SRCAP: variants seen among roughly 807,000 people sequenced by gnomAD.
The protein encoded by SRCAP is Snf2 related CREBBP activator protein, also known as chromatin remodeling protein SRCAP.
SRCAP carries 46 observed loss-of-function variants against 263.1 expected under a neutral mutation model. That is an observed-to-expected ratio of 0.17 (90% CI 0.14 to 0.22). SRCAP has a LOEUF of 0.22. Among genes scored for constraint, SRCAP ranks in the 10% least tolerant of loss-of-function variants. The pLI is 1.00. For missense variants in SRCAP, 3,695 were observed against 4,181.9 expected (o/e 0.88, Z 3.21); for synonymous variants, 1,813 against 1,662.1 (o/e 1.09, Z -2.21).
In SRCAP at chr16:30,737,612, C is replaced by G. The variant is rs769282513; in HGVS notation, c.7572C>G (p.Ser2524=). The change falls in exon 34 of 34, where the codon TCC becomes TCG. Residue 2524 remains serine (S), a synonymous_variant. Coordinates refer to ENST00000262518, the MANE Select transcript of SRCAP (RefSeq NM_006662.3). ...CCCAAACCTGTCTTGTAACTCCTTCCTCTCCTCTCTTGCTTGGTCCACCTT... is the reference window on the plus strand; with the variant it reads ...CCCAAACCTGTCTTGTAACTCCTTCGTCTCCTCTCTTGCTTGGTCCACCTT... ...PPAQTCLVTP[S]SPLLLGPPSV... The G allele has an allele frequency of 2.5e-6, 4 of 1,614,046 alleles. No homozygotes were observed. Among genetic ancestry groups the G allele is most frequent in the Non-Finnish European group, 2.5e-6 (3 of 1,180,018 alleles).
rs780091907 is a variant in SRCAP at position 30,737,591 on chromosome 16, A to C, written c.7551A>C (p.Gln2517His). The change falls in exon 34 of 34, where the codon CAA becomes CAC. Residue 2517 changes from glutamine to histidine, a missense_variant. Gln to His is a conservative substitution (Grantham distance 24). This residue lies in a region of SRCAP where 1,207 missense variants were observed against 1,142.9 expected (regional missense o/e 1.06). Transcript: ENST00000262518. ...PPPAHTPPPA[Q>H]TCLVTPSSPL... Reference sequence around the variant, plus strand: ...CAGCTCATACACCGCCTCCAGCCCAAACCTGTCTTGTAACTCCTTCCTCTC... The same window carrying C: ...CAGCTCATACACCGCCTCCAGCCCACACCTGTCTTGTAACTCCTTCCTCTC... The C allele has an allele frequency of 5.0e-6, 8 of 1,613,760 alleles. No homozygotes were observed. The highest frequency in any genetic ancestry group is 5.9e-6 in the Non-Finnish European group (7 of 1,179,948).
chr16:30,725,110 A>G (rs747343541), intron 25 of SRCAP, 28 bp downstream of exon 25: 2 of 1,572,160 alleles, frequency 1.3e-6, no homozygotes, highest in East Asian at 2.2e-5. Context: ...AAGAGGGAAC[A>G]GGAAGTTGAG....
chr16:30,724,249 C>G lies in SRCAP; in HGVS notation c.4825C>G (p.Leu1609Val), dbSNP rs781249408. ...APSPAPPLAP[L>V]PVLAPSPGAA... ...TTCTCCAGCTCCTCCTCTGGCTCCT[C>G]TTCCGGTCCTGGCACCATCGCCAGG... is the stretch of plus-strand genomic sequence containing the variant. Residue 1609 changes from leucine (L) to valine (V), a missense_variant, in exon 25 of 34, where the codon CTT (leucine) becomes GTT (valine). Around this residue, in one of 12 missense-constraint regions of SRCAP, gnomAD observed 1,347 missense variants for 1,304.4 expected, o/e 1.03. Coordinates refer to ENST00000262518, the MANE Select transcript of SRCAP (RefSeq NM_006662.3). The G allele has an allele frequency of 1.2e-5, 20 of 1,614,010 alleles. No homozygotes were observed. The South Asian group carries it at 2.1e-4, about 17-fold the overall frequency.
chr16:30,721,011 G>A (rs751279488), intron 20 of SRCAP, 33 bp downstream of exon 20: 1 of 1,570,886 alleles, frequency 6.4e-7, no homozygotes, highest in East Asian at 2.2e-5. Flanking sequence ...ATGATGCGTG[G>A]TGCTTCAGAA....
intron 6 of SRCAP, among the ~76,000 whole-genome samples, chr16:30,708,843 G>A (rs1009644320): frequency 4.6e-5 from 7 of 151,108 alleles, no homozygotes; most frequent in African/African-American, 1.7e-4. Context: ...TTTTTGAGAC[G>A]GAGTCTCGCT....
chr16:30,720,346 GA>G lies in SRCAP; in HGVS notation c.2987+17del, dbSNP rs779984990. The G allele has an allele frequency of 3.1e-6, 5 of 1,600,986 alleles. No individual in the cohort carries two copies. The East Asian group carries it at 1.1e-4, about 36-fold the overall frequency. On this transcript the variant is annotated intron_variant, in intron 19 of 33. Transcript: ENST00000262518. Reference sequence around the variant, plus strand: ...AAGGTCAACAGGTACAAGGACTAAGGAATGAGGGGATGGTTCCTAGAATAAG... The same window carrying G: ...AAGGTCAACAGGTACAAGGACTAAGGATGAGGGGATGGTTCCTAGAATAAG...
chr16:30,722,762 CCTT>C lies in SRCAP; in HGVS notation c.3892+16_3892+18del. On this transcript the variant is annotated intron_variant, in intron 23 of 33. Transcript: ENST00000262518. Reference sequence around the variant, plus strand: ...CTGCTAACCAGGGTGAGGCTCCTGGCCTTCCTACTTAGCCCTTGCTGGCCTTGG... The same window carrying C: ...CTGCTAACCAGGGTGAGGCTCCTGGCCCTACTTAGCCCTTGCTGGCCTTGG... 1 of 1,602,546 alleles carries C rather than the reference CCTT, an allele frequency of 6.2e-7. No homozygotes were observed. Among genetic ancestry groups the C allele is most frequent in the South Asian group, 1.1e-5 (1 of 90,052 alleles).
rs754639611 is a variant in SRCAP at position 30,739,429 on chromosome 16, C to G, written c.9389C>G (p.Pro3130Arg). Reference sequence around the variant, plus strand: ...CTGCGTCCAGGGTCTCTAGTCCCCCCACTAGAGACTGAGAAGTTGCCTCGC... The same window carrying G: ...CTGCGTCCAGGGTCTCTAGTCCCCCGACTAGAGACTGAGAAGTTGCCTCGC... ...TRLRPGSLVPPLETEKLPRKR... is the reference protein window; with the variant it reads ...TRLRPGSLVPRLETEKLPRKR... Residue 3130 changes from proline to arginine, a missense_variant, in exon 34 of 34, where the codon CCA becomes CGA. Pro to Arg is a moderately radical substitution (Grantham distance 103). Transcript: ENST00000262518. 5 of 1,614,096 alleles carry G rather than the reference C, an allele frequency of 3.1e-6. No homozygotes were observed. The highest frequency in any genetic ancestry group is 3.4e-6 in the Non-Finnish European group (4 of 1,180,034).
chr16:30,725,386 T>G lies in SRCAP; in HGVS notation c.5658+304T>G, dbSNP rs139919000. On this transcript the variant is annotated intron_variant, in intron 25 of 33. Transcript: ENST00000262518. ...GTAAAAGGAACTCTTCTCTGTCCCT[T>G]TTATGATTTCCGGTAGCTGTTTCTT... 2.3e-3 allele frequency: 797 copies of G among 348,750 alleles called. 5 individuals carry two copies. Among genetic ancestry groups the G allele is most frequent in the African/African-American group, 0.016 (739 of 47,132 alleles). The allele number at this position is 348,750 out of a possible 1,614,324, so 21.6% of individuals were successfully genotyped here.
At chr16:30,725,932 G>C (rs2053060091) in intron 25 of SRCAP, 1 of 151,930 alleles carries the variant, frequency 6.6e-6, no homozygotes, top group South Asian at 2.1e-4. Flanking sequence ...GCCCTAAACT[G>C]TACAATAGGT....
rs958929404 is a variant in SRCAP, at chr16:30,739,133, T to C, written c.9093T>C (p.Ser3031=). The C allele has an allele frequency of 1.9e-6, 3 of 1,614,048 alleles. No individual in the cohort carries two copies. The African/African-American group carries it at 4.0e-5, about 22-fold the overall frequency. Reference sequence around the variant, plus strand: ...CCGTCTTGGACCGTGACAGCACTTCTGTTCTCGAGAGCTGTGGATTGGGGA... The same window carrying C: ...CCGTCTTGGACCGTGACAGCACTTCCGTTCTCGAGAGCTGTGGATTGGGGA... ...QLPVLDRDST[S]VLESCGLGRR... The change falls in exon 34 of 34, where the codon TCT becomes TCC. Residue 3031 remains serine, a synonymous_variant. Transcript: ENST00000262518.
intron 16 of SRCAP, among the ~76,000 whole-genome samples, chr16:30,714,273 C>G (rs1412805358): frequency 6.6e-6 from 1 of 151,694 alleles, no homozygotes; most frequent in Non-Finnish European, 1.5e-5. Flanking sequence ...ACCGTATTAG[C>G]CAGGATGGTC....
intron 4 of SRCAP, among the ~76,000 whole-genome samples, chr16:30,705,853 C>T (rs901998648): frequency 5.3e-5 from 8 of 152,186 alleles, no homozygotes; most frequent in East Asian, 1.9e-4. Flanking sequence ...ACTAAGCGCT[C>T]GCCACTATGC....
Position 30,723,216 on chromosome 16 carries a change from A to C in SRCAP, c.4146A>C (p.Ser1382=). ...TTCTCAAGCTGGTCCACAGTCCTTC[A>C]CCTGAAGTCAGTGGTGAGTCCAGGT... The part of the protein sequence containing the change: ...RPLLKLVHSP[S]PEVSASAPGA... The change falls in exon 24 of 34, where the codon TCA becomes TCC. Residue 1382 remains serine (S), a synonymous_variant. Coordinates refer to ENST00000262518, the MANE Select transcript of SRCAP (RefSeq NM_006662.3). 1 of 1,609,852 alleles carries C rather than the reference A, an allele frequency of 6.2e-7. No individual in the cohort carries two copies. The highest frequency in any genetic ancestry group is 8.5e-7 in the Non-Finnish European group (1 of 1,177,024).
chr16:30,699,562 TTC>T lies in SRCAP; in HGVS notation c.-284+322_-284+323del, dbSNP rs1422176208. Among the ~76,000 whole-genome samples, 15 of 152,320 alleles carry T rather than the reference TTC, an allele frequency of 9.8e-5. No individual in the cohort carries two copies. In the South Asian group the frequency reaches 2.7e-3, roughly 27 times the overall value. On this transcript the variant is annotated intron_variant, in intron 1 of 33. Transcript: ENST00000262518. ...CTCTTCCCGGGAGTTCCACTCTCAC[TTC>T]TGCGTTCAGCCCTCACTGGAAAGGC...
chr16:30,737,534 C>T lies in SRCAP; in HGVS notation c.7494C>T (p.Ala2498=), dbSNP rs1399281789. The stretch of plus-strand genomic sequence containing the variant: ...AGATTCCTCCTTGTTCTTCTCCTGC[C>T]TGCACCCCTCCTCCTGCCTGTACCC... ...PSQIPPCSSP[A]CTPPPACTPP... The change falls in exon 34 of 34, where the codon GCC becomes GCT. Residue 2498 remains alanine, a synonymous_variant. Transcript: ENST00000262518. 2 of 1,609,184 alleles carry T rather than the reference C, an allele frequency of 1.2e-6. No homozygotes were observed. Among genetic ancestry groups the T allele is most frequent in the Admixed American group, 1.7e-5 (1 of 59,988 alleles).
rs768182666 is a variant in SRCAP at position 30,716,119 on chromosome 16, G to A, written c.2547G>A (p.Met849Ile). 6.2e-6 allele frequency: 10 copies of A among 1,614,052 alleles called. No individual in the cohort carries two copies. Among genetic ancestry groups the A allele is most frequent in the Non-Finnish European group, 8.5e-6 (10 of 1,180,034 alleles). ...TTAAGGTGGATGTTGAGAAGCAGAT[G>A]CCCAAAAAGTACGAGCATGTTATCC... ...RRVKVDVEKQMPKKYEHVIRC... is the reference protein window; with the variant it reads ...RRVKVDVEKQIPKKYEHVIRC... Residue 849 changes from methionine (M) to isoleucine (I), a missense_variant, in exon 17 of 34, where the codon ATG becomes ATA. By Grantham distance (10) the Met-to-Ile change is conservative. Around this residue, in one of 12 missense-constraint regions of SRCAP, gnomAD observed 147 missense variants for 212.7 expected, o/e 0.69. Transcript: ENST00000262518.
chr16:30,734,683 C>G, intron 31 of SRCAP, 68 bp downstream of exon 31: 1 of 1,603,660 alleles, frequency 6.2e-7, no homozygotes, highest in South Asian at 1.1e-5. Context: ...TTTTGTTAGT[C>G]TGTTGAGCTT....
chr16:30,739,270 G>C lies in SRCAP; in HGVS notation c.9230G>C (p.Arg3077Pro). 6.2e-7 allele frequency: 1 copy of C among 1,614,006 alleles called. No individual in the cohort carries two copies. Among genetic ancestry groups the C allele is most frequent in the Non-Finnish European group, 8.5e-7 (1 of 1,180,030 alleles). The change falls in exon 34 of 34, where the codon CGA becomes CCA. Residue 3077 changes from arginine to proline, a missense_variant. Around this residue, in one of 12 missense-constraint regions of SRCAP, gnomAD observed 1,207 missense variants for 1,142.9 expected, o/e 1.06. Transcript: ENST00000262518. ...CTTCGGCTTGAAGCAGAAGGAATGC[G>C]AGGACGGAAGAGTGGAGGGTCCATG... ...ARLRLEAEGM[R>P]GRKSGGSMVV...
Sources: allele counts gnomAD v4.1 joint callset (sites outside exome capture counted in the v4.1 genomes callset), GRCh38; gene constraint gnomAD v4.1.1; regional missense constraint gnomAD v4.1.1; transcripts MANE v1.5; gene names NCBI Gene and HGNC (gene_info 2026-07-23, HGNC 2026-07-21).